Variants in GRM5 observed in about 807,000 individuals in gnomAD.
The protein encoded by GRM5 is glutamate metabotropic receptor 5.
GRM5 carries 19 observed loss-of-function variants against 83.1 expected under a neutral mutation model. The observed-to-expected ratio is 0.23, with a 90% confidence interval of 0.16 to 0.34. The LOEUF is 0.34. Ranked by LOEUF, GRM5 falls within the 10% of genes least tolerant of loss-of-function variation. GRM5 has a pLI of 1.00. For synonymous variants in GRM5, 675 were observed against 633.6 expected, an observed-to-expected ratio of 1.07 and a Z score of -0.98; for missense variants, 1,160 against 1,588.3, an observed-to-expected ratio of 0.73 and a Z score of 4.58.
At chr11:88,677,427 TC>T (rs1940361771) in intron 3 of GRM5, among the ~76,000 whole-genome samples, 1 of 152,094 alleles carries the variant, frequency 6.6e-6, no homozygotes, top group Non-Finnish European at 1.5e-5. Context: ...TCAGAACATT[TC>T]CTGGGAATTG....
intron 2 of GRM5, among the ~76,000 whole-genome samples, chr11:88,949,207 G>A (rs548238270): frequency 6.6e-6 from 1 of 152,326 alleles, no homozygotes; most frequent in Non-Finnish European, 1.5e-5. Context: ...GTGTTGTCCA[G>A]AGGGAGCCAA....
At chr11:88,630,247 C>T (rs1938924946) in intron 4 of GRM5, among the ~76,000 whole-genome samples, 1 of 152,096 alleles carries the variant, frequency 6.6e-6, no homozygotes, top group Non-Finnish European at 1.5e-5. Context: ...TTTTGTTTTA[C>T]TCTGTCTCCC....
At chr11:88,725,258 A>C (rs1458525997) in intron 3 of GRM5, among the ~76,000 whole-genome samples, 3 of 152,158 alleles carry the variant, frequency 2.0e-5, no homozygotes, top group African/African-American at 7.2e-5. Context: ...CAGTGTAAAC[A>C]AAGCCACCAG....
intron 8 of GRM5, among the ~76,000 whole-genome samples, chr11:88,539,987 G>A (rs920870336): frequency 1.3e-5 from 2 of 152,122 alleles, no homozygotes; most frequent in African/African-American, 2.4e-5. Context: ...GGCTACCTGG[G>A]CACGTCTGTT....
intron 3 of GRM5, among the ~76,000 whole-genome samples, chr11:88,786,841 T>A (rs2135469644): frequency 6.6e-6 from 1 of 152,262 alleles, no homozygotes; most frequent in Middle Eastern, 3.4e-3. Context: ...CAGGGGCTTC[T>A]GTTCGTTTTG....
At chr11:88,716,097 G>A (rs1941393794) in intron 3 of GRM5, among the ~76,000 whole-genome samples, 1 of 151,830 alleles carries the variant, frequency 6.6e-6, no homozygotes, top group Admixed American at 6.6e-5. Flanking sequence ...GAGCATTAAG[G>A]CAAAAAAAGG....
At chr11:89,028,425 A>G (rs1018842974) in intron 2 of GRM5, among the ~76,000 whole-genome samples, 6 of 152,160 alleles carry the variant, frequency 3.9e-5, no homozygotes, top group Non-Finnish European at 7.3e-5. Context: ...TCTACAAAAA[A>G]TGAAAATAAA....
chr11:88,531,302 T>C (rs1454201074), intron 8 of GRM5, among the ~76,000 whole-genome samples: 1 of 151,712 alleles, frequency 6.6e-6, no homozygotes, highest in Non-Finnish European at 1.5e-5. Context: ...GTAAATGGAG[T>C]GTTTAGTGAA....
chr11:88,882,210 C>G (rs1447159080), intron 2 of GRM5, among the ~76,000 whole-genome samples: 1 of 150,262 alleles, frequency 6.7e-6, no homozygotes, highest in Non-Finnish European at 1.5e-5. Context: ...GCACTCCAGC[C>G]TGAACAACAG....
At chr11:88,778,166 C>T (rs1293912533) in intron 3 of GRM5, among the ~76,000 whole-genome samples, 2 of 152,152 alleles carry the variant, frequency 1.3e-5, no homozygotes, top group Non-Finnish European at 2.9e-5. Flanking sequence ...TCAATGGCGA[C>T]ACCCCTCCCC....
chr11:88,805,823 G>A (rs140086741), intron 3 of GRM5, among the ~76,000 whole-genome samples: 50 of 152,142 alleles, frequency 3.3e-4, no homozygotes, highest in African/African-American at 1.1e-3. Flanking sequence ...TCTCTCTGAC[G>A]TTTTTCCCCT....
intron 3 of GRM5, among the ~76,000 whole-genome samples, chr11:88,836,783 A>T (rs577712874): frequency 1.4e-3 from 211 of 152,282 alleles, no homozygotes; most frequent in African/African-American, 4.9e-3. Flanking sequence ...TGATAGAGTG[A>T]GTGAGATTCT....
intron 3 of GRM5, among the ~76,000 whole-genome samples, chr11:88,802,483 C>A (rs1342679839): frequency 9.3e-6 from 1 of 107,206 alleles, no homozygotes; most frequent in Non-Finnish European, 1.6e-5. Context: ...CAAAATTCAA[C>A]AACCTTCATG....
chr11:88,729,541 T>C (rs1169511104), intron 3 of GRM5, among the ~76,000 whole-genome samples: 1 of 152,190 alleles, frequency 6.6e-6, no homozygotes, highest in Non-Finnish European at 1.5e-5. Flanking sequence ...AAAATTCATA[T>C]GGAACCATAA....
At chr11:88,708,346 A>T (rs1300888531) in intron 3 of GRM5, among the ~76,000 whole-genome samples, 1 of 152,112 alleles carries the variant, frequency 6.6e-6, no homozygotes, top group African/African-American at 2.4e-5. Context: ...TTTTTTCAGC[A>T]TGAGATTCAG....
At chr11:88,666,060 G>T (rs1408302567) in intron 3 of GRM5, among the ~76,000 whole-genome samples, 1 of 152,102 alleles carries the variant, frequency 6.6e-6, no homozygotes, top group Non-Finnish European at 1.5e-5. Flanking sequence ...ATCTGAAGCA[G>T]ATATTATTTC....
chr11:88,714,613 G>A (rs1266370740), intron 3 of GRM5, among the ~76,000 whole-genome samples: 1 of 151,854 alleles, frequency 6.6e-6, no homozygotes, highest in Non-Finnish European at 1.5e-5. Flanking sequence ...TTATTTCCTA[G>A]ATGGTAATGA....
chr11:88,791,034 A>G (rs901667127), intron 3 of GRM5, among the ~76,000 whole-genome samples: 5 of 152,220 alleles, frequency 3.3e-5, no homozygotes, highest in African/African-American at 7.2e-5. Context: ...TTGGAATGGT[A>G]AGAAATTACA....
chr11:88,703,304 T>C (rs1002030397), intron 3 of GRM5, among the ~76,000 whole-genome samples: 8 of 152,092 alleles, frequency 5.3e-5, no homozygotes, highest in Non-Finnish European at 7.4e-5. Context: ...AGTTCCTATT[T>C]ATTTTACTAT....
Sources: gnomAD v4.1 joint callset for allele counts (sites outside exome capture counted in the v4.1 genomes callset) on GRCh38, gnomAD v4.1.1 for gene constraint, MANE v1.5 for transcripts, NCBI Gene and HGNC (gene_info 2026-07-23, HGNC 2026-07-21) for gene names.